The following CFHR2 variants were observed in gnomAD, a reference collection of about 807,000 sequenced individuals.
CFHR2 encodes complement factor H related 2, also known as complement factor H-related protein 2.
CFHR2 carries 22 observed loss-of-function variants against 21.7 expected under a neutral mutation model. That is an observed-to-expected ratio of 1.01 (90% confidence interval 0.72 to 1.45). CFHR2 has a LOEUF of 1.45. CFHR2 is among the 40% of genes most tolerant of loss of function. The pLI is 0.00. For synonymous variants in CFHR2, 98 were observed against 97.4 expected (o/e 1.01, Z -0.04); for missense variants, 294 against 293.3 (o/e 1.00, Z -0.02).
At chr1:196,956,373 T>C (rs914069852) in intron 3 of CFHR2, among the ~76,000 whole-genome samples, 1 of 152,244 alleles carries the variant, frequency 6.6e-6, no homozygotes, top group Non-Finnish European at 1.5e-5. Context: ...TATTGTATAG[T>C]ATTCGTTAGT....
At chr1:196,948,464 T>A (rs1231061297) in intron 1 of CFHR2, among the ~76,000 whole-genome samples, 1 of 151,892 alleles carries the variant, frequency 6.6e-6, no homozygotes. Flanking sequence ...TTAGTAGAGA[T>A]GGGCTTTCGC....
intron 4 of CFHR2, among the ~76,000 whole-genome samples, 164 bp downstream of exon 4, chr1:196,958,237 C>T (rs535983110): frequency 6.6e-6 from 1 of 151,954 alleles, no homozygotes; most frequent in East Asian, 1.9e-4. Context: ...AAATTTTTCT[C>T]TTTATATTTA....
At position 196,950,932 on chromosome 1, in the gene CFHR2, A is replaced by G; in HGVS notation, c.334A>G (p.Ile112Val). The G allele has an allele frequency of 1.2e-6, 2 of 1,612,380 alleles. No individual in the cohort carries two copies. Among genetic ancestry groups the G allele is most frequent in the Non-Finnish European group, 1.7e-6 (2 of 1,180,002 alleles). The part of the protein sequence containing the change: ...QTHLEGDTVQ[I>V]ICNTGYRLQN... ...ACATCTGGAAGGTGATACTGTACAA[A>G]TTATTTGCAACACAGGATACAGACT... Residue 112 changes from isoleucine (I) to valine (V), a missense_variant, in exon 3 of 5, where the codon ATT (isoleucine) becomes GTT (valine). Physicochemically the swap from Ile to Val is conservative, Grantham distance 29. Coordinates refer to ENST00000367415, the MANE Select transcript of CFHR2 (RefSeq NM_005666.4).
intron 3 of CFHR2, among the ~76,000 whole-genome samples, chr1:196,957,464 C>T (rs1431365962): frequency 6.7e-6 from 1 of 150,022 alleles, no homozygotes; most frequent in South Asian, 2.1e-4. Flanking sequence ...CTTTTAGTTT[C>T]TATTAATTTG....
At chr1:196,952,984 A>T (rs1652679027) in intron 3 of CFHR2, among the ~76,000 whole-genome samples, 1 of 152,196 alleles carries the variant, frequency 6.6e-6, no homozygotes, top group South Asian at 2.1e-4. Flanking sequence ...AAGTGGAAGA[A>T]TTTAGCGGAA....
rs777195692 is a variant in CFHR2 at position 196,957,949 on chromosome 1, C to G, written c.489C>G (p.Phe163Leu). The G allele has an allele frequency of 1.2e-6, 2 of 1,613,602 alleles. No individual in the cohort carries two copies. The highest frequency in any genetic ancestry group is 1.1e-5 in the South Asian group (1 of 91,046). Reference protein sequence around the residue: ...PPIDNGDITSFLLSVYAPGSS... With the variant: ...PPIDNGDITSLLLSVYAPGSS... ...TTGACAATGGAGACATTACTTCATT[C>G]CTGTTGTCAGTATATGCTCCAGGTT... The change falls in exon 4 of 5, where the codon TTC (phenylalanine) becomes TTG (leucine). Residue 163 changes from phenylalanine to leucine, a missense_variant. Transcript: ENST00000367415.
chr1:196,947,078 A>G (rs1002135462), intron 1 of CFHR2, among the ~76,000 whole-genome samples: 8 of 152,156 alleles, frequency 5.3e-5, no homozygotes, highest in Admixed American at 1.3e-4. Flanking sequence ...GCGATCAGTC[A>G]TTGACCAAAA....
chr1:196,953,501 T>G (rs1652732904), intron 3 of CFHR2, among the ~76,000 whole-genome samples: 2 of 152,150 alleles, frequency 1.3e-5, no homozygotes, highest in South Asian at 4.1e-4. Flanking sequence ...CAGGCTGGTC[T>G]CCAACTCCCA....
chr1:196,947,059 G>A (rs1366172782), intron 1 of CFHR2, among the ~76,000 whole-genome samples: 2 of 152,050 alleles, frequency 1.3e-5, no homozygotes, highest in Admixed American at 6.6e-5. Context: ...TGGGTCCACT[G>A]TCACATGAGC....
rs185977930 is a variant in CFHR2 at position 196,954,684 on chromosome 1, A to C, written c.431-3207A>C. Among the ~76,000 whole-genome samples, 60 of 152,094 alleles carry C rather than the reference A, an allele frequency of 3.9e-4. 1 individual carries two copies. Among genetic ancestry groups the C allele is most frequent in the Admixed American group, 3.9e-3 (60 of 15,268 alleles). ...GAGGTTCCCACCTGGAACCAAAAAA[A>C]AACCTCAAATCTTGTCTTCTGTGCA... On this transcript the variant is annotated intron_variant, in intron 3 of 4. Transcript: ENST00000367415.
chr1:196,948,387 T>G (rs958506149), intron 1 of CFHR2, among the ~76,000 whole-genome samples: 1 of 152,162 alleles, frequency 6.6e-6, no homozygotes, highest in African/African-American at 2.4e-5. Flanking sequence ...GTGATTCTTC[T>G]GCCTCAGCCT....
chr1:196,948,693 T>C (rs1659611924), intron 1 of CFHR2, among the ~76,000 whole-genome samples: 1 of 152,168 alleles, frequency 6.6e-6, no homozygotes, highest in Non-Finnish European at 1.5e-5. Flanking sequence ...TTTTATTGTC[T>C]TTTTATTGTT....
chr1:196,951,109 A>T, intron 3 of CFHR2, 81 bp downstream of exon 3: 4 of 1,495,676 alleles, frequency 2.7e-6, no homozygotes, highest in Non-Finnish European at 3.6e-6. Context: ...GATTAAATAT[A>T]GGTTAAATAT....
At chr1:196,948,519 A>G (rs1186042278) in intron 1 of CFHR2, among the ~76,000 whole-genome samples, 2 of 151,826 alleles carry the variant, frequency 1.3e-5, no homozygotes, top group Admixed American at 1.3e-4. Context: ...CAAGTGATCC[A>G]CCTACCTCAG....
intron 3 of CFHR2, among the ~76,000 whole-genome samples, chr1:196,955,432 C>G (rs1652831974): frequency 6.6e-6 from 1 of 152,176 alleles, no homozygotes; most frequent in Non-Finnish European, 1.5e-5. Flanking sequence ...GCCTGTTACC[C>G]AGTTCCAAAG....
intron 3 of CFHR2, among the ~76,000 whole-genome samples, chr1:196,956,254 T>C (rs1443009088): frequency 6.6e-6 from 1 of 152,180 alleles, no homozygotes; most frequent in African/African-American, 2.4e-5. Flanking sequence ...GCTACCAATA[T>C]CTCCTCAGTC....
At chr1:196,947,417 T>C (rs1659548467) in intron 1 of CFHR2, among the ~76,000 whole-genome samples, 1 of 152,130 alleles carries the variant, frequency 6.6e-6, no homozygotes, top group South Asian at 2.1e-4. Flanking sequence ...TGTATGAAAA[T>C]AAACTACTAT....
chr1:196,945,066 G>T lies in CFHR2; in HGVS notation c.58+1128G>T, dbSNP rs199543932. ...TAATTTTGTATTTTTAGTAGAGATGGGGTTTCTCCATGTTGGTCAGGCTGG... is the reference window on the plus strand; with the variant it reads ...TAATTTTGTATTTTTAGTAGAGATGTGGTTTCTCCATGTTGGTCAGGCTGG... On this transcript the variant is annotated intron_variant, in intron 1 of 4. Coordinates refer to ENST00000367415, the MANE Select transcript of CFHR2 (RefSeq NM_005666.4). Among the ~76,000 whole-genome samples, 890 of 134,834 alleles carry T rather than the reference G, an allele frequency of 6.6e-3. 5 individuals carry two copies. Among genetic ancestry groups the T allele is most frequent in the Middle Eastern group, 0.018 (4 of 224 alleles). 88.5% of individuals were successfully genotyped at this position (134,834 alleles called of 152,430 possible).
At chr1:196,947,003 G>A (rs1187963642) in intron 1 of CFHR2, among the ~76,000 whole-genome samples, 2 of 152,112 alleles carry the variant, frequency 1.3e-5, no homozygotes, top group African/African-American at 4.8e-5. Context: ...GCTATGTTAT[G>A]ATGGCTATTA....
Sources: gnomAD v4.1 joint callset for allele counts (sites outside exome capture counted in the v4.1 genomes callset) on GRCh38, gnomAD v4.1.1 for gene constraint, MANE v1.5 for transcripts, NCBI Gene and HGNC (gene_info 2026-07-23, HGNC 2026-07-21) for gene names.